GTF2A1L: variants seen among roughly 807,000 people sequenced by gnomAD.
GTF2A1L encodes the protein TFIIA-alpha and beta-like factor.
A neutral mutation model predicts 49.7 loss-of-function variants in GTF2A1L; 48 were observed. The observed-to-expected ratio is 0.97, with a 90% CI of 0.77 to 1.23. The LOEUF (loss-of-function observed/expected upper bound fraction) is 1.23. Among genes scored for constraint, GTF2A1L ranks in the 50% most tolerant of loss-of-function variants. The pLI, the probability that GTF2A1L is intolerant of heterozygous loss-of-function variation, is 0.00. For missense variants in GTF2A1L, 736 were observed against 564.8 expected, an observed-to-expected ratio of 1.30 and a Z score of -3.07; for synonymous variants, 246 against 193.5, an observed-to-expected ratio of 1.27 and a Z score of -2.25.
intron 1 of GTF2A1L, 74 bp downstream of exon 1, chr2:48,617,969 C>A (rs1272558925): frequency 7.0e-7 from 1 of 1,428,618 alleles, no homozygotes; most frequent in African/African-American, 1.4e-5. Context: ...AACCCTGCAC[C>A]TTTTGTTTCC....
At chr2:48,664,442 C>T (rs564055754) in intron 6 of GTF2A1L, among the ~76,000 whole-genome samples, 4 of 151,704 alleles carry the variant, frequency 2.6e-5, no homozygotes, top group South Asian at 2.1e-4. Flanking sequence ...GTTCAGCTTT[C>T]ATTTTATATA....
chr2:48,677,978 GGTGTGTGTGT>G (rs5830998), intron 8 of GTF2A1L, among the ~76,000 whole-genome samples: 6 of 147,922 alleles, frequency 4.1e-5, no homozygotes, highest in South Asian at 2.2e-4. Flanking sequence ...CTCTGAGATG[GGTGTGTGTGT>G]GTGTGTGTGT....
At chr2:48,625,593 A>AT (rs1176355850) in intron 3 of GTF2A1L, among the ~76,000 whole-genome samples, 6 of 141,122 alleles carry the variant, frequency 4.3e-5, no homozygotes, top group Non-Finnish European at 7.9e-5. Context: ...ATTTTATTTT[A>AT]TTTTTTTGAG....
rs1558769706 is a variant in GTF2A1L at position 48,669,723 on chromosome 2, A to G, written c.980A>G (p.Asp327Gly). The change falls in exon 7 of 9, where the codon GAT becomes GGT. Residue 327 changes from aspartate (D) to glycine (G), a missense_variant and splice_region_variant. Transcript: ENST00000403751. ...TATTGTATTTCTTTCTCTTTTTAGG[A>G]TTCTAATTCTCAGGTGGATTTAAGC... ...EPSNIPVSEKDSNSQVDLSIR... is the reference protein window; with the variant it reads ...EPSNIPVSEKGSNSQVDLSIR... 3 of 1,604,506 alleles carry G rather than the reference A, an allele frequency of 1.9e-6. No homozygotes were observed. The highest frequency in any genetic ancestry group is 1.1e-5 in the South Asian group (1 of 89,694).
chr2:48,677,714 C>G (rs768547251), intron 8 of GTF2A1L, among the ~76,000 whole-genome samples: 1 of 151,868 alleles, frequency 6.6e-6, no homozygotes, highest in Non-Finnish European at 1.5e-5. Flanking sequence ...TTGTATTGAC[C>G]TGGGCAAGAG....
At chr2:48,619,479 A>AT (rs1675854028) in intron 1 of GTF2A1L, among the ~76,000 whole-genome samples, 4 of 151,260 alleles carry the variant, frequency 2.6e-5, no homozygotes, top group Non-Finnish European at 5.9e-5. Flanking sequence ...CAAAAAAAAA[A>AT]AAATAATAAT....
chr2:48,639,177 C>A (rs1572717704), intron 3 of GTF2A1L, among the ~76,000 whole-genome samples: 2 of 152,138 alleles, frequency 1.3e-5, no homozygotes, highest in African/African-American at 4.8e-5. Context: ...CAATGAAATT[C>A]TTCACAGAGC....
intron 6 of GTF2A1L, among the ~76,000 whole-genome samples, chr2:48,659,760 C>A (rs1349680991): frequency 6.6e-6 from 1 of 151,862 alleles, no homozygotes; most frequent in East Asian, 1.9e-4. Context: ...TCCTAATTTT[C>A]TTTTTGAGTT....
chr2:48,648,534 A>G (rs1347692502), intron 6 of GTF2A1L, among the ~76,000 whole-genome samples: 2 of 152,082 alleles, frequency 1.3e-5, no homozygotes, highest in Non-Finnish European at 2.9e-5. Context: ...TTGAGAACAT[A>G]AGCTTTGGAA....
chr2:48,643,994 C>T (rs537310777), intron 4 of GTF2A1L, among the ~76,000 whole-genome samples: 8 of 152,066 alleles, frequency 5.3e-5, no homozygotes, highest in Admixed American at 1.3e-4. Context: ...CCACCGTGCC[C>T]GGCCTGTACA....
At chr2:48,647,996 G>C (rs186399782) in intron 6 of GTF2A1L, among the ~76,000 whole-genome samples, 2 of 152,090 alleles carry the variant, frequency 1.3e-5, no homozygotes, top group African/African-American at 4.8e-5. Flanking sequence ...TGTAGCAATG[G>C]ATAGTTAAGC....
chr2:48,661,805 G>A (rs982223484), intron 6 of GTF2A1L, among the ~76,000 whole-genome samples: 1 of 151,678 alleles, frequency 6.6e-6, no homozygotes, highest in African/African-American at 2.4e-5. Flanking sequence ...TGGATCTTTA[G>A]TCTCTTATAG....
chr2:48,646,905 A>G lies in GTF2A1L; in HGVS notation c.841A>G (p.Thr281Ala), dbSNP rs1321567820. 6.8e-6 allele frequency: 11 copies of G among 1,614,212 alleles called. No individual in the cohort carries two copies. The highest frequency in any genetic ancestry group is 2.2e-5 in the South Asian group (2 of 91,084). ...AAATCTGCATGATGAGTCCCTCTCCACAAGCCCTCATGGGGCTCTCCACCA... is the reference window on the plus strand; with the variant it reads ...AAATCTGCATGATGAGTCCCTCTCCGCAAGCCCTCATGGGGCTCTCCACCA... ...AQNLHDESLS[T>A]SPHGALHQHV... is the part of the protein sequence containing the mutation. The change falls in exon 6 of 9, where the codon ACA becomes GCA. Residue 281 changes from threonine to alanine, a missense_variant. By Grantham distance (58) the Thr-to-Ala change is moderately conservative. Transcript: ENST00000403751.
chr2:48,618,803 T>C (rs914919266), intron 1 of GTF2A1L, among the ~76,000 whole-genome samples: 2 of 152,238 alleles, frequency 1.3e-5, no homozygotes, highest in African/African-American at 4.8e-5. Flanking sequence ...GGACTAGACA[T>C]AGTTTTAATA....
At position 48,671,588 on chromosome 2, in the gene GTF2A1L, T is replaced by C. The variant is rs202104009; in HGVS notation, c.1240-3T>C. ...CCTTAATGTGATCATCTTTCGTCTT[T>C]AGGACCCTTTAAATTCTGGAGATGA... On this transcript the variant is annotated splice_region_variant and splice_polypyrimidine_tract_variant and intron_variant, in intron 7 of 8. Coordinates refer to ENST00000403751, the MANE Select transcript of GTF2A1L (RefSeq NM_006872.5). 5 of 1,613,150 alleles carry C rather than the reference T, an allele frequency of 3.1e-6. No homozygotes were observed. Among genetic ancestry groups the C allele is most frequent in the Non-Finnish European group, 4.2e-6 (5 of 1,179,556 alleles).
intron 6 of GTF2A1L, chr2:48,668,564 A>T (rs1240748513): frequency 6.6e-6 from 1 of 152,258 alleles, no homozygotes; most frequent in Non-Finnish European, 1.5e-5. Context: ...AAGCGCAGTG[A>T]CTTACGCCTG....
At chr2:48,664,209 T>A (rs1678685239) in intron 6 of GTF2A1L, among the ~76,000 whole-genome samples, 1 of 152,172 alleles carries the variant, frequency 6.6e-6, no homozygotes, top group Admixed American at 6.5e-5. Context: ...TTCCTGATTT[T>A]AAGGGGAAAG....
intron 6 of GTF2A1L, among the ~76,000 whole-genome samples, chr2:48,661,361 C>T (rs1407269253): frequency 2.2e-5 from 3 of 136,866 alleles, no homozygotes; most frequent in South Asian, 2.4e-4. Context: ...TCAGGTGATT[C>T]TCCTGCCTCA....
chr2:48,621,045 A>G, intron 2 of GTF2A1L, 93 bp downstream of exon 2: 1 of 1,504,178 alleles, frequency 6.6e-7, no homozygotes, highest in African/African-American at 1.4e-5. Flanking sequence ...ATTATAGTTT[A>G]GTACTTACCC....
Sources: allele counts gnomAD v4.1 joint callset (sites outside exome capture counted in the v4.1 genomes callset), GRCh38; gene constraint gnomAD v4.1.1; transcripts MANE v1.5; gene names NCBI Gene and HGNC (gene_info 2026-07-23, HGNC 2026-07-21).